CCDC141: variants seen among roughly 807,000 people sequenced by gnomAD.
The protein encoded by CCDC141 is coiled-coil domain containing 141.
A neutral mutation model predicts 181.0 loss-of-function variants in CCDC141; 168 were observed. The ratio of observed to expected loss-of-function variants is 0.93; its 90% CI spans 0.82 to 1.05. The LOEUF (loss-of-function observed/expected upper bound fraction) is 1.05. CCDC141 is among the 50% of genes least tolerant of loss of function. The pLI is 0.00. For synonymous variants in CCDC141, 666 were observed against 642.3 expected, an observed-to-expected ratio of 1.04 and a Z score of -0.56; for missense variants, 1,902 against 1,788.5, an observed-to-expected ratio of 1.06 and a Z score of -1.14.
chr2:178,948,680 G>A (rs61380829), intron 5 of CCDC141, among the ~76,000 whole-genome samples: 2,119 of 152,226 alleles, frequency 0.014, 51 homozygotes, highest in African/African-American at 0.049. Context: ...CCCTCCCTTG[G>A]TGGGGGCTGT....
At position 178,982,772 on chromosome 2, in the gene CCDC141, G is replaced by A. The variant is rs550027553; in HGVS notation, c.226-4097C>T. Among the ~76,000 whole-genome samples the A allele has an allele frequency of 1.2e-4, 19 of 152,314 alleles. No individual in the cohort carries two copies. In the South Asian group the frequency reaches 3.1e-3, roughly 25 times the overall value. ...GCTTTTCTGACGGGCTTAAAAAAAGGCGCACCACGAGATTATATCCCGCAC... is the reference window on the plus strand; with the variant it reads ...GCTTTTCTGACGGGCTTAAAAAAAGACGCACCACGAGATTATATCCCGCAC... On this transcript the variant is annotated intron_variant, in intron 2 of 23. Coordinates refer to ENST00000443758, the MANE Select transcript of CCDC141 (RefSeq NM_173648.4).
intron 11 of CCDC141, among the ~76,000 whole-genome samples, chr2:178,884,528 CAG>C (rs2154370467): frequency 6.6e-6 from 1 of 152,248 alleles, no homozygotes; most frequent in African/African-American, 2.4e-5. Context: ...TGAGGCTAAT[CAG>C]AGCCTCACAA....
intron 2 of CCDC141, among the ~76,000 whole-genome samples, chr2:179,033,624 T>G (rs2043059016): frequency 6.6e-6 from 1 of 152,158 alleles, no homozygotes; most frequent in Non-Finnish European, 1.5e-5. Flanking sequence ...TCATTTTCAT[T>G]TATATTGAAC....
At chr2:178,845,416 A>C (rs1045510591) in intron 22 of CCDC141, among the ~76,000 whole-genome samples, 1 of 152,224 alleles carries the variant, frequency 6.6e-6, no homozygotes, top group African/African-American at 2.4e-5. Context: ...CGATAGTGAG[A>C]AGCTCAGAGG....
intron 2 of CCDC141, among the ~76,000 whole-genome samples, chr2:179,028,954 C>T (rs1194681608): frequency 2.0e-5 from 3 of 152,130 alleles, no homozygotes; most frequent in Non-Finnish European, 2.9e-5. Flanking sequence ...CACTCTTGGC[C>T]ACAATCAAAT....
At chr2:178,904,225 G>C (rs1214409667) in intron 8 of CCDC141, among the ~76,000 whole-genome samples, 1 of 152,180 alleles carries the variant, frequency 6.6e-6, no homozygotes, top group East Asian at 1.9e-4. Flanking sequence ...ATTTTTCAAA[G>C]GGGAGAATCC....
intron 2 of CCDC141, among the ~76,000 whole-genome samples, chr2:179,015,764 TCATATATATCTCATATATGTATC>T (rs2042507730): frequency 7.4e-6 from 1 of 134,942 alleles, no homozygotes. Flanking sequence ...CTCATATATA[TCATATATATCTCATATATGTATC>T]ATATATATCT....
At position 178,919,000 on chromosome 2, in the gene CCDC141, C is replaced by A; in HGVS notation, c.898-93G>T. 3 of 1,152,522 alleles carry A rather than the reference C, an allele frequency of 2.6e-6. No homozygotes were observed. In the South Asian group the frequency reaches 4.7e-5, roughly 18 times the overall value. 71.4% of individuals were successfully genotyped at this position (1,152,522 alleles called of 1,614,324 possible). On this transcript the variant is annotated intron_variant, in intron 6 of 23. Transcript: ENST00000443758. ...GAAATTCCTCTGCTGAAATCTAACCCCCAAGGTGATGATATTAGGAAGTAG... is the reference window on the plus strand; with the variant it reads ...GAAATTCCTCTGCTGAAATCTAACCACCAAGGTGATGATATTAGGAAGTAG...
chr2:178,823,504 G>T, the CCDC141 span, among the ~76,000 whole-genome samples: 1 of 152,074 alleles, frequency 6.6e-6, no homozygotes, highest in African/African-American at 2.4e-5. Flanking sequence ...GTAACCTTAA[G>T]ATATGAGCTA....
At chr2:178,980,870 A>G (rs1173413526) in intron 2 of CCDC141, among the ~76,000 whole-genome samples, 2 of 152,236 alleles carry the variant, frequency 1.3e-5, no homozygotes, top group African/African-American at 2.4e-5. Flanking sequence ...TTATACCTCA[A>G]TAAAGCTGGA....
Position 178,911,731 on chromosome 2 carries a change from T to G in CCDC141, c.1093-6230A>C, listed in dbSNP as rs556534147. On this transcript the variant is annotated intron_variant, in intron 7 of 23. Coordinates refer to ENST00000443758, the MANE Select transcript of CCDC141 (RefSeq NM_173648.4). ...ATTCATTCATCCGACAAAAGTTTTT[T>G]GAACCTATGTGACACACAAAGAAGA... Among the ~76,000 whole-genome samples the G allele has an allele frequency of 2.5e-4, 38 of 152,340 alleles. 2 individuals carry two copies. The South Asian group carries it at 7.7e-3, about 31-fold the overall frequency.
At chr2:178,819,554 T>G in the CCDC141 span, among the ~76,000 whole-genome samples, 1 of 152,220 alleles carries the variant, frequency 6.6e-6, no homozygotes, top group Non-Finnish European at 1.5e-5. Context: ...TTGACCAAGC[T>G]TATGCTATCT....
In CCDC141 at chr2:178,833,396, GTCA is replaced by G. The variant is rs1160307008; in HGVS notation, c.*774_*776del. ...GGCTTTGCCATAAAGTATAAAAATG[GTCA>G]TCAGCAGAATCAAGATTAGAAGCAG... is the stretch of plus-strand genomic sequence containing the variant. On this transcript the variant is annotated 3_prime_UTR_variant, in exon 24 of 24. Transcript: ENST00000443758. 3 of 152,288 alleles carry G rather than the reference GTCA, an allele frequency of 2.0e-5. No homozygotes were observed. In the East Asian group the frequency reaches 5.8e-4, roughly 29 times the overall value. 9.4% of individuals were successfully genotyped at this position (152,288 alleles called of 1,614,324 possible). A position where few individuals can be genotyped will look rare whatever the true frequency, so the allele number is the denominator to read the frequency against.
chr2:179,006,292 T>C (rs2042121659), intron 2 of CCDC141, among the ~76,000 whole-genome samples: 1 of 152,210 alleles, frequency 6.6e-6, no homozygotes, highest in South Asian at 2.1e-4. Context: ...AAAAAGAAAT[T>C]AAGCAAACTG....
intron 2 of CCDC141, among the ~76,000 whole-genome samples, chr2:178,981,675 T>C (rs1295930305): frequency 7.6e-6 from 1 of 132,268 alleles, no homozygotes; most frequent in Non-Finnish European, 1.6e-5. Flanking sequence ...TATATACATA[T>C]ATATATATAG....
In CCDC141 at chr2:178,891,363, C is replaced by T. The variant is rs186890967; in HGVS notation, c.1266-2695G>A. 8.1e-4 allele frequency among the ~76,000 whole-genome samples: 123 copies of T among 152,266 alleles called. 2 individuals are homozygous for T. The highest frequency in any genetic ancestry group is 2.8e-3 in the African/African-American group (118 of 41,568). ...TGAGGAACAGAGACAGTCTCAGTAA[C>T]TGGCCCAGTTCTGAAATGGCTGACA... On this transcript the variant is annotated intron_variant, in intron 8 of 23. Transcript: ENST00000443758.
chr2:178,888,456 C>A, intron 9 of CCDC141, 71 bp downstream of exon 9: 3 of 1,415,976 alleles, frequency 2.1e-6, no homozygotes, highest in Admixed American at 2.0e-5. Context: ...TCCCGCCATG[C>A]CCACATACTG....
At chr2:178,984,292 C>T (rs998859112) in intron 2 of CCDC141, among the ~76,000 whole-genome samples, 122 of 150,324 alleles carry the variant, frequency 8.1e-4, no homozygotes, top group African/African-American at 2.7e-3. Context: ...ACCAGGCCTG[C>T]CCTAAAAGAG....
intron 2 of CCDC141, among the ~76,000 whole-genome samples, chr2:178,980,404 C>T (rs572939831): frequency 3.3e-5 from 5 of 152,026 alleles, no homozygotes; most frequent in East Asian, 1.9e-4. Flanking sequence ...GAGCTGAGAT[C>T]GTGCCACTGC....
Sources: gnomAD v4.1 joint callset for allele counts (sites outside exome capture counted in the v4.1 genomes callset) on GRCh38, gnomAD v4.1.1 for gene constraint, MANE v1.5 for transcripts, NCBI Gene and HGNC (gene_info 2026-07-23, HGNC 2026-07-21) for gene names.